ZRANB3: variants seen among roughly 807,000 people sequenced by gnomAD.
ZRANB3 encodes zinc finger RANBP2-type containing 3.
In ZRANB3, 125 loss-of-function variants were observed where a neutral mutation model predicts 133.8. The observed-to-expected ratio is 0.93, with a 90% CI of 0.81 to 1.08. The LOEUF (loss-of-function observed/expected upper bound fraction) is 1.08. Among genes scored for constraint, ZRANB3 ranks in the 50% least tolerant of loss-of-function variants. ZRANB3 has a pLI of 0.00. For missense variants in ZRANB3, 1,229 were observed against 1,275.5 expected (o/e 0.96, Z 0.56); for synonymous variants, 387 against 432.7 (o/e 0.89, Z 1.31).
intron 6 of ZRANB3, among the ~76,000 whole-genome samples, chr2:135,338,008 G>C (rs1171054073): frequency 6.6e-6 from 1 of 152,112 alleles, no homozygotes; most frequent in East Asian, 1.9e-4. Context: ...CAAATCTAAA[G>C]TATAAGAAAT....
chr2:135,391,591 T>C (rs1448681214), intron 2 of ZRANB3, among the ~76,000 whole-genome samples: 1 of 151,624 alleles, frequency 6.6e-6, no homozygotes, highest in Non-Finnish European at 1.5e-5. Flanking sequence ...TCTTTTTTTT[T>C]TTTTTTGAGA....
At chr2:135,527,323 G>A (rs1346156555) in intron 1 of ZRANB3, among the ~76,000 whole-genome samples, 1 of 152,152 alleles carries the variant, frequency 6.6e-6, no homozygotes, top group Non-Finnish European at 1.5e-5. Context: ...ACTTTGGGAG[G>A]TGAGGTGGGT....
chr2:135,395,316 T>A (rs932267155), intron 2 of ZRANB3, among the ~76,000 whole-genome samples: 2 of 151,900 alleles, frequency 1.3e-5, no homozygotes, highest in Non-Finnish European at 2.9e-5. Flanking sequence ...AATTAAACCA[T>A]CTCTCACCGT....
chr2:135,479,375 C>T (rs1691655898), intron 2 of ZRANB3, among the ~76,000 whole-genome samples: 1 of 152,156 alleles, frequency 6.6e-6, no homozygotes, highest in Non-Finnish European at 1.5e-5. Context: ...TGGCTCATGC[C>T]TGTAATCCCA....
chr2:135,284,801 C>T (rs1051942978), intron 8 of ZRANB3, among the ~76,000 whole-genome samples: 1 of 151,414 alleles, frequency 6.6e-6, no homozygotes, highest in African/African-American at 2.4e-5. Flanking sequence ...TCCTCACTTC[C>T]TTTCCTTTTG....
rs555044883 is a variant in ZRANB3 at position 135,350,028 on chromosome 2, C to T, written c.547G>A (p.Ala183Thr). ...LLPIVQKARR[A>T]ILLTGTPALG... is the part of the protein sequence containing the mutation. Reference sequence around the variant, plus strand: ...GCTGGTGTTCCTGTAAGAAGAATGGCTCGTCTGGCTTTCTGTACTATTGGC... The same window carrying T: ...GCTGGTGTTCCTGTAAGAAGAATGGTTCGTCTGGCTTTCTGTACTATTGGC... Residue 183 changes from alanine (A) to threonine (T), a missense_variant, in exon 5 of 21, where the codon GCC becomes ACC. Ala to Thr is a moderately conservative substitution (Grantham distance 58). Transcript: ENST00000264159. 2 of 1,613,802 alleles carry T rather than the reference C, an allele frequency of 1.2e-6. No individual in the cohort carries two copies. Among genetic ancestry groups the T allele is most frequent in the African/African-American group, 2.7e-5 (2 of 75,042 alleles).
At chr2:135,381,021 G>A (rs1245179176) in intron 3 of ZRANB3, among the ~76,000 whole-genome samples, 2 of 152,158 alleles carry the variant, frequency 1.3e-5, no homozygotes, top group Admixed American at 6.5e-5. Context: ...AGAGGATGCA[G>A]TGCATTGAGC....
chr2:135,444,428 C>A (rs557192537), intron 2 of ZRANB3, among the ~76,000 whole-genome samples: 1 of 151,954 alleles, frequency 6.6e-6, no homozygotes, highest in African/African-American at 2.4e-5. Context: ...ACAAAATACT[C>A]GGCAATAAGA....
chr2:135,332,693 T>G (rs1684204003), intron 6 of ZRANB3, among the ~76,000 whole-genome samples: 1 of 152,152 alleles, frequency 6.6e-6, no homozygotes, highest in Admixed American at 6.5e-5. Context: ...TTCTACCTGG[T>G]AAATTGAGAC....
chr2:135,498,812 T>A (rs1692805905), intron 2 of ZRANB3, among the ~76,000 whole-genome samples: 1 of 152,146 alleles, frequency 6.6e-6, no homozygotes, highest in South Asian at 2.1e-4. Context: ...AGCCCCAGTC[T>A]CCCATAGCGC....
intron 5 of ZRANB3, among the ~76,000 whole-genome samples, chr2:135,348,211 A>T (rs1398980117): frequency 6.6e-6 from 1 of 151,906 alleles, no homozygotes; most frequent in East Asian, 1.9e-4. Context: ...GTGAGCCGAG[A>T]TCATGCCACT....
intron 6 of ZRANB3, among the ~76,000 whole-genome samples, chr2:135,328,947 T>A (rs944549389): frequency 2.0e-5 from 3 of 152,242 alleles, no homozygotes; most frequent in Non-Finnish European, 4.4e-5. Flanking sequence ...TCTTTGCAGA[T>A]TCTGGATATT....
chr2:135,504,844 T>TGCTAGAGAAAGATGAATCC (rs1693103119), intron 1 of ZRANB3, among the ~76,000 whole-genome samples: 1 of 152,116 alleles, frequency 6.6e-6, no homozygotes, highest in Non-Finnish European at 1.5e-5. Context: ...GGGATGAATC[T>TGCTAGAGAAAGATGAATCC]GCTAGAGAAA....
intron 19 of ZRANB3, 42 bp downstream of exon 19, chr2:135,207,392 A>G: frequency 6.5e-7 from 1 of 1,535,608 alleles, no homozygotes; most frequent in Non-Finnish European, 8.8e-7. Context: ...TTCATTACTC[A>G]GTACAATGCT....
rs796282687 is a variant in ZRANB3 at position 135,454,851 on chromosome 2, A to C, written c.161+49478T>G. 9.9e-5 allele frequency among the ~76,000 whole-genome samples: 15 copies of C among 152,254 alleles called. 1 individual carries two copies. Among genetic ancestry groups the C allele is most frequent in the African/African-American group, 3.6e-4 (15 of 41,552 alleles). ...TCCACTCATTGGCTGATGGGCACTT[A>C]TGATACTTCTGTATCTTTGTAATTG... On this transcript the variant is annotated intron_variant, in intron 2 of 20. Coordinates refer to ENST00000264159, the MANE Select transcript of ZRANB3 (RefSeq NM_032143.4).
intron 17 of ZRANB3, among the ~76,000 whole-genome samples, chr2:135,212,418 T>A (rs749393744): frequency 3.3e-5 from 5 of 152,186 alleles, no homozygotes; most frequent in Non-Finnish European, 7.3e-5. Flanking sequence ...TGAGGTATTA[T>A]TCAATGTTTA....
intron 1 of ZRANB3, chr2:135,511,302 T>A (rs1417382308): frequency 1.0e-6 from 1 of 956,350 alleles, no homozygotes; most frequent in Non-Finnish European, 1.7e-6. Flanking sequence ...TAGCTCAGAC[T>A]TTTCCTCTTG....
chr2:135,235,561 C>T (rs1695247600), intron 12 of ZRANB3, among the ~76,000 whole-genome samples: 1 of 151,844 alleles, frequency 6.6e-6, no homozygotes, highest in African/African-American at 2.4e-5. Context: ...AAACCGAATC[C>T]AGCAGCACAT....
intron 12 of ZRANB3, among the ~76,000 whole-genome samples, chr2:135,232,998 C>T (rs1695106461): frequency 6.6e-6 from 1 of 152,050 alleles, no homozygotes; most frequent in Non-Finnish European, 1.5e-5. Context: ...CTATTCCGAG[C>T]TAAAGGAGGA....
Sources: gnomAD v4.1 joint callset for allele counts (sites outside exome capture counted in the v4.1 genomes callset) on GRCh38, gnomAD v4.1.1 for gene constraint, MANE v1.5 for transcripts, NCBI Gene and HGNC (gene_info 2026-07-23, HGNC 2026-07-21) for gene names.